COG4: variants seen among roughly 807,000 people sequenced by gnomAD.
COG4 encodes the protein conserved oligomeric Golgi complex subunit 4.
COG4 carries 65 observed loss-of-function variants against 95.1 expected under a neutral mutation model. The ratio of observed to expected loss-of-function variants is 0.68; its 90% confidence interval spans 0.56 to 0.84. The LOEUF (loss-of-function observed/expected upper bound fraction) is 0.84. Among genes scored for constraint, COG4 ranks in the 40% least tolerant of loss-of-function variants. The probability of loss-of-function intolerance (pLI) is 0.00; values close to 1 mark genes in which losing one functional copy is unlikely to be tolerated. For missense variants in COG4, 1,045 were observed against 989.1 expected, an observed-to-expected ratio of 1.06 and a Z score of -0.76; for synonymous variants, 421 against 374.8, an observed-to-expected ratio of 1.12 and a Z score of -1.42.
chr16:70,502,280 CAAAAAAAAAAAAA>C lies in COG4; in HGVS notation c.1062-1202_1062-1190del, dbSNP rs59805765. On this transcript the variant is annotated intron_variant, in intron 8 of 18. Transcript: ENST00000323786. ...CTGGAGACACAGCAAGACTCCGTCT[CAAAAAAAAAAAAA>C]AAAAAAAAAAAAAAAAAGAGGCCGG... is the stretch of plus-strand genomic sequence containing the variant. Among the ~76,000 whole-genome samples the C allele has an allele frequency of 8.4e-4, 16 of 19,112 alleles. No homozygotes were observed. The East Asian group carries it at 0.033, about 40-fold the overall frequency. 12.5% of individuals were successfully genotyped at this position (19,112 alleles called of 152,430 possible). A position where few individuals can be genotyped will look rare whatever the true frequency, so the allele number is the denominator to read the frequency against.
chr16:70,521,724 CAG>C (rs1281906472), intron 1 of COG4, among the ~76,000 whole-genome samples: 2 of 134,614 alleles, frequency 1.5e-5, no homozygotes, highest in African/African-American at 2.9e-5. Context: ...TTTTTTGAGA[CAG>C]AGTCTCACTC....
At chr16:70,485,202 TCTC>T (rs1392005441) in intron 13 of COG4, among the ~76,000 whole-genome samples, 1 of 140,586 alleles carries the variant, frequency 7.1e-6, no homozygotes, top group Non-Finnish European at 1.5e-5. Flanking sequence ...AGACCCTGTC[TCTC>T]TTTTTTTTTT....
chr16:70,497,853 A>T (rs2049372173), intron 10 of COG4, 84 bp downstream of exon 10: 1 of 844,642 alleles, frequency 1.2e-6, no homozygotes, highest in African/African-American at 1.7e-5. Context: ...AGGACCAATA[A>T]ATATGACATG....
In COG4 at chr16:70,519,999, G is replaced by A. The variant is rs28438025; in HGVS notation, c.172-268C>T. ...TATCATTAGCATAGTGCCTAATACA[G>A]GAAGGCATTTAAAATACAATGCCTG... On this transcript the variant is annotated intron_variant, in intron 1 of 18. Coordinates refer to ENST00000323786, the MANE Select transcript of COG4 (RefSeq NM_015386.3). Among the ~76,000 whole-genome samples, 18,283 of 152,060 alleles carry A rather than the reference G, an allele frequency of 0.12. 3,642 individuals are homozygous for A. The highest frequency in any genetic ancestry group is 0.41 in the African/African-American group (17,107 of 41,416).
chr16:70,513,264 A>G (rs16970259), intron 4 of COG4, among the ~76,000 whole-genome samples: 18,316 of 152,236 alleles, frequency 0.12, 3,651 homozygotes, highest in African/African-American at 0.41. Flanking sequence ...AGTCTAGAAA[A>G]ACAGAGTGTG....
rs2049339762 is a variant in COG4 at position 70,496,371 on chromosome 16, C to A, written c.1542G>T (p.Gln514His). The A allele has an allele frequency of 6.2e-7, 1 of 1,614,166 alleles. No individual in the cohort carries two copies. The highest frequency in any genetic ancestry group is 8.5e-7 in the Non-Finnish European group (1 of 1,180,040). Residue 514 changes from glutamine (Q) to histidine (H), a missense_variant, in exon 12 of 19, where the codon CAG becomes CAT. Transcript: ENST00000323786. ...TGTTCACGGCACTTGTCACCCCGCGCTGGATGTCCTGGAAGGTGGTGGCAG... is the reference window on the plus strand; with the variant it reads ...TGTTCACGGCACTTGTCACCCCGCGATGGATGTCCTGGAAGGTGGTGGCAG... ...GFPATTFQDI[Q>H]RGVTSAVNIM... is the part of the protein sequence containing the mutation.
intron 13 of COG4, among the ~76,000 whole-genome samples, chr16:70,487,580 T>G (rs2049164445): frequency 6.6e-6 from 1 of 152,048 alleles, no homozygotes; most frequent in Non-Finnish European, 1.5e-5. Context: ...AGACTCCGTC[T>G]CAAAAAAAAA....
intron 3 of COG4, chr16:70,515,951 G>T: frequency 2.2e-6 from 1 of 455,182 alleles, no homozygotes; most frequent in Non-Finnish European, 4.4e-6. Context: ...TTGCAGGCAT[G>T]AGCCACCACA....
At position 70,481,428 on chromosome 16, in the gene COG4, C is replaced by G. The variant is rs761449843; in HGVS notation, c.2166G>C (p.Val722=). Residue 722 remains valine (V), a synonymous_variant, in exon 18 of 19, where the codon GTG becomes GTC. Coordinates refer to ENST00000323786, the MANE Select transcript of COG4 (RefSeq NM_015386.3). ...ACTTGTCTCGGATGGTCCAGGTGGT[C>G]ACCGTGGTAAGGTAGGCAATGAGCG... ...LRSLIAYLTT[V]TTWTIRDKFA... The G allele has an allele frequency of 1.2e-6, 2 of 1,613,180 alleles. No homozygotes were observed. Among genetic ancestry groups the G allele is most frequent in the East Asian group, 2.2e-5 (1 of 44,854 alleles).
At chr16:70,513,738 GTAAGA>G (rs1484581353) in intron 4 of COG4, among the ~76,000 whole-genome samples, 1 of 152,154 alleles carries the variant, frequency 6.6e-6, no homozygotes, top group Non-Finnish European at 1.5e-5. Flanking sequence ...TTTAAAACTA[GTAAGA>G]TGTTTATTTC....
intron 3 of COG4, among the ~76,000 whole-genome samples, chr16:70,515,612 AG>A (rs2049805260): frequency 6.6e-6 from 1 of 152,126 alleles, no homozygotes; most frequent in Non-Finnish European, 1.5e-5. Context: ...TGAACCCAGG[AG>A]GTGGAGGTTG....
Position 70,483,883 on chromosome 16 carries a change from G to A in COG4, c.1797C>T (p.Ala599=), listed in dbSNP as rs753922868. ...KFDSCLSDLA[A]VSNKFRDLLQ... is the part of the protein sequence containing the mutation. ...AGAGGTCTCGGAATTTGTTGGACAC[G>A]GCGGCCAAGTCAGAAAGGCAGCTGT... is the stretch of plus-strand genomic sequence containing the variant. The change falls in exon 14 of 19, where the codon GCC becomes GCT. Residue 599 remains alanine, a synonymous_variant. Transcript: ENST00000323786. 10 of 1,613,286 alleles carry A rather than the reference G, an allele frequency of 6.2e-6. No individual in the cohort carries two copies. Among genetic ancestry groups the A allele is most frequent in the African/African-American group, 1.3e-5 (1 of 74,928 alleles).
intron 11 of COG4, 109 bp from the exon 12 acceptor site, chr16:70,496,540 G>A (rs2049343950): frequency 9.0e-7 from 1 of 1,111,010 alleles, no homozygotes; most frequent in Middle Eastern, 2.7e-4. Context: ...CTCTTTTAGG[G>A]GGAATAACCA....
chr16:70,519,549 G>A, intron 2 of COG4, 100 bp downstream of exon 2: 2 of 802,648 alleles, frequency 2.5e-6, no homozygotes, highest in Non-Finnish European at 4.3e-6. Flanking sequence ...TACATTTCAA[G>A]CTGAACTGGT....
chr16:70,513,990 C>T (rs960030058), intron 4 of COG4, among the ~76,000 whole-genome samples: 2 of 152,076 alleles, frequency 1.3e-5, no homozygotes, highest in Non-Finnish European at 1.5e-5. Context: ...GGCAGATCAC[C>T]AGAGATCAGG....
At chr16:70,500,533 G>A (rs561767861) in intron 9 of COG4, among the ~76,000 whole-genome samples, 22 of 151,004 alleles carry the variant, frequency 1.5e-4, no homozygotes, top group Non-Finnish European at 3.2e-4. Context: ...GCTAATTTTT[G>A]TATTTTTAAT....
At chr16:70,519,852 G>T in intron 1 of COG4, 121 bp from the exon 2 acceptor site, 1 of 748,890 alleles carries the variant, frequency 1.3e-6, no homozygotes, top group Non-Finnish European at 2.4e-6. Flanking sequence ...CTTCCACTAT[G>T]TTCTCCTTAG....
intron 8 of COG4, among the ~76,000 whole-genome samples, chr16:70,506,820 A>G (rs935955358): frequency 6.6e-6 from 1 of 151,886 alleles, no homozygotes; most frequent in Admixed American, 6.6e-5. Flanking sequence ...AAAGTTTAAA[A>G]TTTTAGGATA....
At chr16:70,514,596 TGATCAA>T in intron 3 of COG4, 87 bp from the exon 4 acceptor site, 5 of 1,107,826 alleles carry the variant, frequency 4.5e-6, no homozygotes, top group Non-Finnish European at 6.8e-6. Context: ...GAGCTGAATC[TGATCAA>T]CCATATGTCA....
Sources: gnomAD v4.1 joint callset for allele counts (sites outside exome capture counted in the v4.1 genomes callset) on GRCh38, gnomAD v4.1.1 for gene constraint, MANE v1.5 for transcripts, NCBI Gene and HGNC (gene_info 2026-07-23, HGNC 2026-07-21) for gene names.